Variants in SART1 observed in about 807,000 individuals in gnomAD.
SART1 encodes the protein spliceosome associated factor 1, recruiter of U4/U6.U5 tri-snRNP, also known as U4/U6.U5 tri-snRNP-associated protein 1.
In SART1, 28 loss-of-function variants were observed where a neutral mutation model predicts 105.0. The ratio of observed to expected loss-of-function variants is 0.27; its 90% CI spans 0.20 to 0.37. SART1 has a LOEUF of 0.37. SART1 is among the 10% of genes least tolerant of loss of function. The pLI is 1.00. For missense variants in SART1, 894 were observed against 1,106.5 expected (o/e 0.81, Z 2.72); for synonymous variants, 472 against 462.9 (o/e 1.02, Z -0.25).
chr11:65,972,998 G>A (rs943205291), intron 12 of SART1, among the ~76,000 whole-genome samples: 9 of 152,102 alleles, frequency 5.9e-5, no homozygotes, highest in Non-Finnish European at 1.2e-4. Flanking sequence ...GTGAAACCCT[G>A]TCTCTACTAA....
At position 65,964,502 on chromosome 11, in the gene SART1, C is replaced by T. The variant is rs541939998; in HGVS notation, c.372-13C>T. Reference sequence around the variant, plus strand: ...CTTTAATAGCCCCTAACACTTGTATCTCTTGTTGTCAGCAAACTCCGGGCA... The same window carrying T: ...CTTTAATAGCCCCTAACACTTGTATTTCTTGTTGTCAGCAAACTCCGGGCA... On this transcript the variant is annotated splice_polypyrimidine_tract_variant and intron_variant, in intron 2 of 19. Coordinates refer to ENST00000312397, the MANE Select transcript of SART1 (RefSeq NM_005146.5). 4.3e-6 allele frequency: 7 copies of T among 1,612,908 alleles called. No homozygotes were observed. In the South Asian group the frequency reaches 7.7e-5, roughly 18 times the overall value.
At position 65,966,426 on chromosome 11, in the gene SART1, A is replaced by G; in HGVS notation, c.1058A>G (p.Gln353Arg). 1 of 1,613,796 alleles carries G rather than the reference A, an allele frequency of 6.2e-7. No individual in the cohort carries two copies. The highest frequency in any genetic ancestry group is 8.5e-7 in the Non-Finnish European group (1 of 1,180,000). The change falls in exon 9 of 20, where the codon CAG becomes CGG. Residue 353 changes from glutamine to arginine, a missense_variant. Physicochemically the swap from Gln to Arg is conservative, Grantham distance 43. This residue lies in a region of SART1 where 712 missense variants were observed against 778.2 expected (regional missense o/e 0.91). Transcript: ENST00000312397. ...GERPHSFRLE[Q>R]GGTADGLRER... is the part of the protein sequence containing the mutation. ...CGGCCACATTCCTTCCGCTTGGAGCAGGGCGGCACGGCTGATGGCCTGCGG... is the reference window on the plus strand; with the variant it reads ...CGGCCACATTCCTTCCGCTTGGAGCGGGGCGGCACGGCTGATGGCCTGCGG...
intron 2 of SART1, 37 bp from the exon 3 acceptor site, chr11:65,964,478 T>C (rs1171454536): frequency 6.2e-7 from 1 of 1,612,224 alleles, no homozygotes; most frequent in Non-Finnish European, 8.5e-7. Flanking sequence ...ACCCTGTGTC[T>C]TTAATAGCCC....
chr11:65,967,957 T>G (rs1855296447), intron 12 of SART1, 136 bp downstream of exon 12: 6 of 823,116 alleles, frequency 7.3e-6, no homozygotes, highest in Non-Finnish European at 1.8e-6. Context: ...TTGTTTTTTT[T>G]TTTTTTTTTT....
At position 65,978,738 on chromosome 11, in the gene SART1, G is replaced by A. The variant is rs1245766935; in HGVS notation, c.2262+49G>A. 1.2e-6 allele frequency: 2 copies of A among 1,613,594 alleles called. No homozygotes were observed. The highest frequency in any genetic ancestry group is 1.3e-5 in the African/African-American group (1 of 74,864). On this transcript the variant is annotated intron_variant, in intron 18 of 19. Coordinates refer to ENST00000312397, the MANE Select transcript of SART1 (RefSeq NM_005146.5). The surrounding 1 kb of genome is among the most constrained non-coding windows in gnomAD (Gnocchi z 6.8). ...GGGCCCTGTGCCTGCCGGGGCAGGG[G>A]TGGCTGGTGTGTGGGGCCTGCTGCA... is the stretch of plus-strand genomic sequence containing the variant.
intron 12 of SART1, among the ~76,000 whole-genome samples, chr11:65,974,374 A>AAC (rs1855439847): frequency 7.5e-6 from 1 of 133,282 alleles, no homozygotes. Context: ...TCTGTCTCAA[A>AAC]AAAAAAAAAA....
intron 1 of SART1, 95 bp downstream of exon 1, chr11:65,962,188 G>A (rs1855159152): frequency 2.1e-6 from 2 of 951,430 alleles, no homozygotes; most frequent in South Asian, 1.9e-5. Context: ...AGCTCTTCAG[G>A]CCAGGAAACC....
In SART1 at chr11:65,965,703, C is replaced by G; in HGVS notation, c.662C>G (p.Ala221Gly). ...AGGTCACCCCTCCCTGTCCCGTAGG[C>G]CAAGTTACTGGAGGAGATGGACCAA... Reference protein sequence around the residue: ...QKEKDLAEKRAKLLEEMDQEF... With the variant: ...QKEKDLAEKRGKLLEEMDQEF... The change falls in exon 6 of 20, where the codon GCC becomes GGC. Residue 221 changes from alanine (A) to glycine (G), a missense_variant and splice_region_variant. By Grantham distance (60) the Ala-to-Gly change is moderately conservative. Transcript: ENST00000312397. 2 of 1,613,614 alleles carry G rather than the reference C, an allele frequency of 1.2e-6. No homozygotes were observed. Among genetic ancestry groups the G allele is most frequent in the Non-Finnish European group, 8.5e-7 (1 of 1,179,814 alleles).
rs61746328 is a variant in SART1 at position 65,964,120 on chromosome 11, C to T, written c.360C>T (p.Ile120=). Residue 120 remains isoleucine, a synonymous_variant, in exon 2 of 20, where the codon ATC becomes ATT. Transcript: ENST00000312397. ...TSSGDASSLS[I]EETNKLRAKL... is the part of the protein sequence containing the mutation. ...CAGGCGATGCCTCCTCACTCAGCATCGAGGAGACTAAGTGAGTACTGTCTC... is the reference window on the plus strand; with the variant it reads ...CAGGCGATGCCTCCTCACTCAGCATTGAGGAGACTAAGTGAGTACTGTCTC... The T allele has an allele frequency of 3.8e-5, 62 of 1,612,944 alleles. No homozygotes were observed. The highest frequency in any genetic ancestry group is 4.9e-5 in the Non-Finnish European group (58 of 1,179,916).
chr11:65,976,633 G>T lies in SART1; in HGVS notation c.1747-23G>T. 6.2e-7 allele frequency: 1 copy of T among 1,613,244 alleles called. No individual in the cohort carries two copies. Among genetic ancestry groups the T allele is most frequent in the Non-Finnish European group, 8.5e-7 (1 of 1,179,710 alleles). On this transcript the variant is annotated intron_variant, in intron 13 of 19. Transcript: ENST00000312397. This position sits in a 1 kb window ranked among gnomAD's most constrained non-coding sequence, Gnocchi z 5.1. Reference sequence around the variant, plus strand: ...GGGTGGGCTGGCTGGGGCCTGGGCCGACCCTGGTCTTTTGTGCCCCAGGAC... The same window carrying T: ...GGGTGGGCTGGCTGGGGCCTGGGCCTACCCTGGTCTTTTGTGCCCCAGGAC...
At chr11:65,966,687 A>G (rs1855266742) in intron 9 of SART1, 131 bp downstream of exon 9, 1 of 1,045,924 alleles carries the variant, frequency 9.6e-7, no homozygotes, top group Non-Finnish European at 1.3e-6. Context: ...GCGGGTGAGC[A>G]CTAAATGGCA....
intron 2 of SART1, 132 bp downstream of exon 2, chr11:65,964,263 A>T (rs1179365027): frequency 1.1e-6 from 1 of 918,104 alleles, no homozygotes; most frequent in Non-Finnish European, 1.7e-6. Flanking sequence ...ATCTTAGCCA[A>T]CAGTTGACTT....
rs1354020232 is a variant in SART1 at position 65,965,954 on chromosome 11, G to A, written c.806G>A (p.Gly269Glu). The A allele has an allele frequency of 1.2e-6, 2 of 1,613,976 alleles. No homozygotes were observed. The highest frequency in any genetic ancestry group is 1.7e-6 in the Non-Finnish European group (2 of 1,180,042). The change falls in exon 7 of 20, where the codon GGG (glycine) becomes GAG (glutamate). Residue 269 changes from glycine (G) to glutamate (E), a missense_variant. Gly to Glu is a moderately conservative substitution (Grantham distance 98). Coordinates refer to ENST00000312397, the MANE Select transcript of SART1 (RefSeq NM_005146.5). ...CATGCCATTGATTCCTTCCGAGAAG[G>A]GGAGACAATGATTCTTACCCTCAAG... ...VEHAIDSFREGETMILTLKDK... is the reference protein window; with the variant it reads ...VEHAIDSFREEETMILTLKDK...
At position 65,965,412 on chromosome 11, in the gene SART1, C is replaced by A; in HGVS notation, c.625C>A (p.Gln209Lys). The stretch of plus-strand genomic sequence containing the variant: ...TGCAGCCTGGATCGAGAGGAGCCGG[C>A]AGCTGCAGAAGGAGAAGGACCTGGC... ...DTAAWIERSR[Q>K]LQKEKDLAEK... is the part of the protein sequence containing the mutation. The change falls in exon 5 of 20, where the codon CAG (glutamine) becomes AAG (lysine). Residue 209 changes from glutamine to lysine, a missense_variant. Gln to Lys is a moderately conservative substitution (Grantham distance 53, BLOSUM62 1). Coordinates refer to ENST00000312397, the MANE Select transcript of SART1 (RefSeq NM_005146.5). 1 of 1,567,806 alleles carries A rather than the reference C, an allele frequency of 6.4e-7. No homozygotes were observed. The highest frequency in any genetic ancestry group is 8.6e-7 in the Non-Finnish European group (1 of 1,156,534).
intron 3 of SART1, among the ~76,000 whole-genome samples, chr11:65,964,820 C>T (rs1387251616): frequency 1.3e-5 from 2 of 152,222 alleles, no homozygotes; most frequent in Non-Finnish European, 2.9e-5. Context: ...AAGATGTGCA[C>T]ACTTGCTGCA....
chr11:65,977,701 G>A, intron 16 of SART1, 48 bp downstream of exon 16: 1 of 1,613,726 alleles, frequency 6.2e-7, no homozygotes, highest in East Asian at 2.2e-5. Context: ...GTGCCAGCTT[G>A]GAGCTTCGGG....
chr11:65,977,515 G>T (rs753154851), intron 15 of SART1, 48 bp from the exon 16 acceptor site: 1 of 1,537,784 alleles, frequency 6.5e-7, no homozygotes, highest in African/African-American at 1.4e-5. Context: ...CGGCCCTGGA[G>T]CTGTGGCTCT....
chr11:65,962,398 A>G (rs1855164728), intron 1 of SART1, among the ~76,000 whole-genome samples: 1 of 152,232 alleles, frequency 6.6e-6, no homozygotes, highest in African/African-American at 2.4e-5. Flanking sequence ...CTGCTTGAGG[A>G]CAGAGGGCTT....
intron 1 of SART1, 41 bp downstream of exon 1, chr11:65,962,134 G>GGGGGGGGGGGGGGGCCCCCC: frequency 2.6e-6 from 1 of 378,092 alleles, no homozygotes; most frequent in Non-Finnish European, 4.8e-6. Flanking sequence ...GTCGGGCGGG[G>GGGGGGGGGGGGGGGCCCCCC]GTCCCGGAAC....
Sources: gnomAD v4.1 joint callset for allele counts (sites outside exome capture counted in the v4.1 genomes callset) on GRCh38, gnomAD v4.1.1 for gene constraint, gnomAD v4.1.1 regional missense constraint, Gnocchi (gnomAD v3.1) non-coding constraint, MANE v1.5 for transcripts, NCBI Gene and HGNC (gene_info 2026-07-23, HGNC 2026-07-21) for gene names.